SCAPER: variants seen among roughly 807,000 people sequenced by gnomAD.
The protein encoded by SCAPER is S phase cyclin A-associated protein in the endoplasmic reticulum.
SCAPER carries 98 observed loss-of-function variants against 182.2 expected under a neutral mutation model. That is an observed-to-expected ratio of 0.54 (90% CI 0.46 to 0.64). SCAPER has a LOEUF of 0.64. SCAPER is among the 30% of genes least tolerant of loss of function. SCAPER has a pLI of 0.00. For missense variants in SCAPER, 1,432 were observed against 1,690.0 expected (o/e 0.85, Z 2.68); for synonymous variants, 605 against 564.6 (o/e 1.07, Z -1.01).
intron 2 of SCAPER, among the ~76,000 whole-genome samples, chr15:76,866,797 T>C (rs780195456): frequency 3.9e-5 from 6 of 152,192 alleles, no homozygotes; most frequent in Non-Finnish European, 8.8e-5. Flanking sequence ...TACATGGTTC[T>C]GAGATACTTC....
At chr15:76,448,490 C>T (rs1002236120) in intron 25 of SCAPER, among the ~76,000 whole-genome samples, 10 of 152,028 alleles carry the variant, frequency 6.6e-5, no homozygotes, top group African/African-American at 4.8e-5. Flanking sequence ...TCTGGGCATG[C>T]TAAGTTTCAG....
At position 76,434,246 on chromosome 15, in the gene SCAPER, C is replaced by A. The variant is rs181570462; in HGVS notation, c.3143G>T (p.Gly1048Val). ...GRNTNKQVFE[G>V]LTTGLLKVSA... ...GACTTTGAGAAGTCCAGTTGTCAAG[C>A]CTTCAAAAACTTGTTTATTTGTATT... The change falls in exon 26 of 32, where the codon GGC becomes GTC. Residue 1048 changes from glycine to valine, a missense_variant. By Grantham distance (109) the Gly-to-Val change is moderately radical. This residue lies in a region of SCAPER where 718 missense variants were observed against 799.7 expected (regional missense o/e 0.90). Transcript: ENST00000563290. 1.3e-5 allele frequency: 21 copies of A among 1,613,492 alleles called. No individual in the cohort carries two copies. Among genetic ancestry groups the A allele is most frequent in the East Asian group, 6.7e-5 (3 of 44,892 alleles).
chr15:76,766,868 T>C (rs761032079), intron 11 of SCAPER, 50 bp downstream of exon 11: 1 of 1,488,932 alleles, frequency 6.7e-7, no homozygotes, highest in Non-Finnish European at 9.0e-7. Context: ...GATAATTTTG[T>C]TTCTAAATAT....
At chr15:76,834,670 T>C (rs527916868) in intron 5 of SCAPER, among the ~76,000 whole-genome samples, 28 of 151,738 alleles carry the variant, frequency 1.8e-4, no homozygotes, top group Non-Finnish European at 3.5e-4. Context: ...GGTAGATTAA[T>C]AAAGAAAAAA....
chr15:76,853,985 C>A (rs2071056896), intron 4 of SCAPER, among the ~76,000 whole-genome samples: 2 of 152,048 alleles, frequency 1.3e-5, no homozygotes, highest in Admixed American at 1.3e-4. Flanking sequence ...TATAAAATCA[C>A]CACACAAAAG....
At chr15:76,778,842 A>G (rs984579633) in intron 8 of SCAPER, among the ~76,000 whole-genome samples, 4 of 152,092 alleles carry the variant, frequency 2.6e-5, no homozygotes, top group Non-Finnish European at 4.4e-5. Flanking sequence ...CACTTAAACT[A>G]TATGTTATCT....
chr15:76,752,689 T>C (rs1426881011), intron 15 of SCAPER, among the ~76,000 whole-genome samples: 1 of 151,706 alleles, frequency 6.6e-6, no homozygotes, highest in African/African-American at 2.4e-5. Context: ...ATCATAGATC[T>C]AGAAAGTAGA....
At chr15:76,663,783 A>G (rs1448472062) in intron 21 of SCAPER, among the ~76,000 whole-genome samples, 1 of 152,140 alleles carries the variant, frequency 6.6e-6, no homozygotes, top group Admixed American at 6.6e-5. Context: ...AGGGGTATGG[A>G]TTGTATGACT....
intron 8 of SCAPER, among the ~76,000 whole-genome samples, chr15:76,785,873 T>C (rs1227087758): frequency 6.6e-6 from 1 of 151,952 alleles, no homozygotes; most frequent in Non-Finnish European, 1.5e-5. Flanking sequence ...CTGGGGCCTG[T>C]CGTGGGGTGA....
intron 24 of SCAPER, among the ~76,000 whole-genome samples, chr15:76,485,521 C>A (rs1056301358): frequency 6.6e-6 from 1 of 151,946 alleles, no homozygotes; most frequent in Non-Finnish European, 1.5e-5. Context: ...CTTCACAGAA[C>A]TACAAAAAAC....
intron 21 of SCAPER, among the ~76,000 whole-genome samples, chr15:76,645,688 AG>A (rs1188256216): frequency 1.3e-5 from 2 of 152,188 alleles, no homozygotes; most frequent in South Asian, 2.1e-4. Flanking sequence ...GCCTCATAAA[AG>A]GGTTATTTAT....
rs145357358 is a variant in SCAPER, at chr15:76,597,025, G to A, written c.2712-22741C>T. 6.6e-4 allele frequency among the ~76,000 whole-genome samples: 80 copies of A among 121,848 alleles called. 11 individuals are homozygous for A. Among genetic ancestry groups the A allele is most frequent in the African/African-American group, 1.9e-3 (74 of 39,880 alleles). The allele number at this position is 121,848 out of a possible 152,430, so 79.9% of individuals were successfully genotyped here. ...GAAGAGAGGAAGTCAAATTGTCTCT[G>A]TTTATAGATGACATGACTGTATATT... is the stretch of plus-strand genomic sequence containing the variant. On this transcript the variant is annotated intron_variant, in intron 22 of 31. Coordinates refer to ENST00000563290, the MANE Select transcript of SCAPER (RefSeq NM_020843.4).
At chr15:76,350,015 G>T (rs1461274891) in intron 31 of SCAPER, 1 of 152,150 alleles carries the variant, frequency 6.6e-6, no homozygotes, top group East Asian at 1.9e-4. Flanking sequence ...AAATACATTA[G>T]ATTTTTCTAA....
chr15:76,488,544 T>C (rs1188983323), intron 24 of SCAPER, among the ~76,000 whole-genome samples: 1 of 152,050 alleles, frequency 6.6e-6, no homozygotes, highest in African/African-American at 2.4e-5. Flanking sequence ...TCTTTAGTTT[T>C]AGAACTATAA....
chr15:76,800,309 G>A lies in SCAPER; in HGVS notation c.550C>T (p.Pro184Ser). 6.2e-7 allele frequency: 1 copy of A among 1,613,416 alleles called. No homozygotes were observed. The highest frequency in any genetic ancestry group is 8.5e-7 in the Non-Finnish European group (1 of 1,179,684). Residue 184 changes from proline (P) to serine (S), a missense_variant, in exon 7 of 32, where the codon CCA becomes TCA. By Grantham distance (74) the Pro-to-Ser change is moderately conservative. Transcript: ENST00000563290. ...KKMSPGRHVI[P>S]SPSTDRINVT... ...TTTATTCTATCTGTTGATGGACTTG[G>A]AATCACATGGCGTCCCGGAGACATC...
chr15:76,455,189 ATTG>A (rs1379485242), intron 25 of SCAPER, among the ~76,000 whole-genome samples: 3 of 152,008 alleles, frequency 2.0e-5, no homozygotes, highest in African/African-American at 7.2e-5. Flanking sequence ...CAGTATTTTC[ATTG>A]TTGTTATTTC....
intron 5 of SCAPER, among the ~76,000 whole-genome samples, chr15:76,835,933 CAAAA>C (rs35242954): frequency 1.1e-5 from 1 of 94,308 alleles, no homozygotes; most frequent in Admixed American, 1.2e-4. Context: ...ACATTAGCCA[CAAAA>C]AAAAAAAAAA....
intron 22 of SCAPER, among the ~76,000 whole-genome samples, chr15:76,590,625 A>AT (rs1179131231): frequency 6.6e-6 from 1 of 152,238 alleles, no homozygotes; most frequent in Non-Finnish European, 1.5e-5. Flanking sequence ...GGAAAACAGA[A>AT]TGAATATTTC....
At chr15:76,546,009 G>A (rs142160417) in intron 23 of SCAPER, among the ~76,000 whole-genome samples, 3 of 152,116 alleles carry the variant, frequency 2.0e-5, no homozygotes, top group Non-Finnish European at 2.9e-5. Context: ...TCAGCCAGCG[G>A]AAAGTCCTAG....
Sources: gnomAD v4.1 joint callset for allele counts (sites outside exome capture counted in the v4.1 genomes callset) on GRCh38, gnomAD v4.1.1 for gene constraint, gnomAD v4.1.1 regional missense constraint, MANE v1.5 for transcripts, NCBI Gene and HGNC (gene_info 2026-07-23, HGNC 2026-07-21) for gene names.